Variants in NDUFB5 observed in about 807,000 individuals in gnomAD.
NDUFB5 encodes NADH:ubiquinone oxidoreductase subunit B5, also known as NADH dehydrogenase [ubiquinone] 1 beta subcomplex subunit 5, mitochondrial.
Under a neutral mutation model 19.4 loss-of-function variants are expected in NDUFB5, and 19 were observed. That is an observed-to-expected ratio of 0.98 (90% confidence interval 0.68 to 1.43). The LOEUF (loss-of-function observed/expected upper bound fraction) is 1.43. NDUFB5 is among the 40% of genes most tolerant of loss of function. The pLI, the probability that NDUFB5 is intolerant of heterozygous loss-of-function variation, is 0.00. For missense variants in NDUFB5, 233 were observed against 236.5 expected, an observed-to-expected ratio of 0.99 and a Z score of 0.10; for synonymous variants, 80 against 82.6, an observed-to-expected ratio of 0.97 and a Z score of 0.17.
In NDUFB5 at chr3:179,604,945, T is replaced by C; in HGVS notation, c.124+6T>C. On this transcript the variant is annotated splice_donor_region_variant and intron_variant, in intron 1 of 5. Coordinates refer to ENST00000259037, the MANE Select transcript of NDUFB5 (RefSeq NM_002492.4). ...TGGCTTTCCGAAGGCTGCTGGTGGG[T>C]GCTGGCCTAGGGAGAACGGGCGTGA... 6.4e-7 allele frequency: 1 copy of C among 1,573,766 alleles called. No homozygotes were observed. Among genetic ancestry groups the C allele is most frequent in the Non-Finnish European group, 8.6e-7 (1 of 1,165,962 alleles).
chr3:179,616,333 G>A (rs542680570), intron 3 of NDUFB5, among the ~76,000 whole-genome samples: 1 of 152,158 alleles, frequency 6.6e-6, no homozygotes, highest in African/African-American at 2.4e-5. Flanking sequence ...ATGAGGTCAG[G>A]GGTTCGAGAC....
chr3:179,606,454 T>C (rs998356538), intron 1 of NDUFB5, among the ~76,000 whole-genome samples: 1 of 152,164 alleles, frequency 6.6e-6, no homozygotes, highest in Admixed American at 6.5e-5. Context: ...TTCTCCTGCC[T>C]CAGCCTCTTG....
chr3:179,606,448 C>G (rs924002553), intron 1 of NDUFB5, among the ~76,000 whole-genome samples: 1 of 152,144 alleles, frequency 6.6e-6, no homozygotes. Flanking sequence ...AGGCGATTCT[C>G]CTGCCTCAGC....
intron 1 of NDUFB5, among the ~76,000 whole-genome samples, chr3:179,608,242 T>G (rs1458955008): frequency 6.6e-6 from 1 of 151,746 alleles, no homozygotes; most frequent in Non-Finnish European, 1.5e-5. Flanking sequence ...CAGGCTGGAG[T>G]GCAGTGGCGC....
chr3:179,618,327 C>G (rs1719436340), intron 4 of NDUFB5, 88 bp from the exon 5 acceptor site: 1 of 778,198 alleles, frequency 1.3e-6, no homozygotes, highest in African/African-American at 1.8e-5. Context: ...GTTTATCTAA[C>G]TGAAATGATC....
intron 1 of NDUFB5, among the ~76,000 whole-genome samples, chr3:179,610,305 G>C (rs1341166769): frequency 6.6e-6 from 1 of 152,038 alleles, no homozygotes; most frequent in Non-Finnish European, 1.5e-5. Flanking sequence ...TGTTGACCAG[G>C]CTAGTTTCAA....
At position 179,615,814 on chromosome 3, in the gene NDUFB5, G is replaced by T. The variant is rs188321669; in HGVS notation, c.214-169G>T. 445 of 643,680 alleles carry T rather than the reference G, an allele frequency of 6.9e-4. 2 individuals are homozygous for T. Among genetic ancestry groups the T allele is most frequent in the Non-Finnish European group, 1.3e-4 (46 of 364,174 alleles). The allele number at this position is 643,680 out of a possible 1,614,324, so 39.9% of individuals were successfully genotyped here. A position where few individuals can be genotyped will look rare whatever the true frequency, so the allele number is the denominator to read the frequency against. On this transcript the variant is annotated intron_variant, in intron 2 of 5. Transcript: ENST00000259037. ...TCTTAACATATTATTTTCTTTCATG[G>T]CATTGCTTTACCAAAAAGTAAAATC...
rs771259562 is a variant in NDUFB5, at chr3:179,604,912, C to T, written c.97C>T (p.Leu33Phe). The change falls in exon 1 of 6, where the codon CTC becomes TTC. Residue 33 changes from leucine to phenylalanine, a missense_variant. Physicochemically the swap from Leu to Phe is conservative, Grantham distance 22 (BLOSUM62 0). Transcript: ENST00000259037. ...CACTCGCCTCGGATTTGGGGGCTTC[C>T]TCACTCGTGGCTTTCCGAAGGCTGC... ...LGTRLGFGGF[L>F]TRGFPKAAAP... The T allele has an allele frequency of 1.3e-6, 2 of 1,589,600 alleles. No homozygotes were observed. Among genetic ancestry groups the T allele is most frequent in the African/African-American group, 2.7e-5 (2 of 73,118 alleles).
intron 1 of NDUFB5, among the ~76,000 whole-genome samples, chr3:179,605,797 T>A (rs1719076856): frequency 6.6e-6 from 1 of 150,682 alleles, no homozygotes; most frequent in Non-Finnish European, 1.5e-5. Flanking sequence ...TACAGTCTTT[T>A]TTTTTTTTTC....
At chr3:179,612,248 T>C (rs1719262126) in intron 1 of NDUFB5, among the ~76,000 whole-genome samples, 1 of 150,940 alleles carries the variant, frequency 6.6e-6, no homozygotes, top group Non-Finnish European at 1.5e-5. Context: ...CTCCGCAAGC[T>C]GAAGGTGGGA....
rs975075995 is a variant in NDUFB5 at position 179,605,745 on chromosome 3, G to T, written c.124+806G>T. On this transcript the variant is annotated intron_variant, in intron 1 of 5. Transcript: ENST00000259037. ...TATTTTTAATAACTTAGACGAAGGG[G>T]CCCTTGAAGGCAAAAGTGCCTAGGT... 4.0e-5 allele frequency among the ~76,000 whole-genome samples: 6 copies of T among 151,556 alleles called. No homozygotes were observed. The East Asian group carries it at 1.2e-3, about 29-fold the overall frequency.
intron 1 of NDUFB5, among the ~76,000 whole-genome samples, chr3:179,610,761 AGAT>A (rs1398676564): frequency 6.6e-6 from 1 of 152,228 alleles, no homozygotes; most frequent in Non-Finnish European, 1.5e-5. Flanking sequence ...TAAACATCAA[AGAT>A]GGTGTAATTC....
chr3:179,608,828 G>A (rs749233572), intron 1 of NDUFB5, among the ~76,000 whole-genome samples: 2 of 152,066 alleles, frequency 1.3e-5, no homozygotes, highest in Non-Finnish European at 2.9e-5. Flanking sequence ...TGGAGGCCTG[G>A]GGAGTTTCTT....
intron 1 of NDUFB5, among the ~76,000 whole-genome samples, chr3:179,611,201 CT>C (rs1719231227): frequency 6.6e-6 from 1 of 151,980 alleles, no homozygotes; most frequent in Non-Finnish European, 1.5e-5. Context: ...TATTGGATGG[CT>C]TATAGGGGAT....
At chr3:179,621,490 C>CTT (rs1719533718) in intron 5 of NDUFB5, among the ~76,000 whole-genome samples, 1 of 141,880 alleles carries the variant, frequency 7.0e-6, no homozygotes, top group Non-Finnish European at 1.5e-5. Flanking sequence ...ATAATATTTT[C>CTT]TTTTTCTTTT....
rs1051499780 is a variant in NDUFB5 at position 179,616,193 on chromosome 3, A to G, written c.280+144A>G. 4.5e-6 allele frequency: 3 copies of G among 660,078 alleles called. No individual in the cohort carries two copies. The African/African-American group carries it at 5.5e-5, about 12-fold the overall frequency. The allele number at this position is 660,078 out of a possible 1,614,324, so 40.9% of individuals were successfully genotyped here. Reference sequence around the variant, plus strand: ...CATAAGCATGGCAGTTTATCTTAAAATAACCAAATCTCAATCTGAACTAAG... The same window carrying G: ...CATAAGCATGGCAGTTTATCTTAAAGTAACCAAATCTCAATCTGAACTAAG... On this transcript the variant is annotated intron_variant, in intron 3 of 5. Transcript: ENST00000259037.
At chr3:179,613,656 T>C (rs914831785) in intron 1 of NDUFB5, among the ~76,000 whole-genome samples, 1 of 152,244 alleles carries the variant, frequency 6.6e-6, no homozygotes, top group African/African-American at 2.4e-5. Flanking sequence ...AATCTTGTTA[T>C]TTAAAAAGCC....
intron 5 of NDUFB5, among the ~76,000 whole-genome samples, chr3:179,620,895 C>T (rs924260082): frequency 6.6e-6 from 1 of 152,096 alleles, no homozygotes; most frequent in Non-Finnish European, 1.5e-5. Flanking sequence ...AAAAGTTGCA[C>T]CAGTTGTTTC....
At chr3:179,616,771 C>T (rs942975945) in intron 3 of NDUFB5, among the ~76,000 whole-genome samples, 1 of 151,978 alleles carries the variant, frequency 6.6e-6, no homozygotes, top group Non-Finnish European at 1.5e-5. Flanking sequence ...ATAAATAATG[C>T]CTTACACAGA....
Sources: gnomAD v4.1 joint callset for allele counts (sites outside exome capture counted in the v4.1 genomes callset) on GRCh38, gnomAD v4.1.1 for gene constraint, MANE v1.5 for transcripts, NCBI Gene and HGNC (gene_info 2026-07-23, HGNC 2026-07-21) for gene names.